DLG2: variants seen among roughly 807,000 people sequenced by gnomAD.
DLG2 encodes discs large MAGUK scaffold protein 2.
Under a neutral mutation model 132.5 loss-of-function variants are expected in DLG2, and 45 were observed. The ratio of observed to expected loss-of-function variants is 0.34; its 90% CI spans 0.27 to 0.44. The LOEUF is 0.44. DLG2 is among the 20% of genes least tolerant of loss of function. The pLI is 1.00. For synonymous variants in DLG2, 424 were observed against 419.6 expected (o/e 1.01, Z -0.13); for missense variants, 1,045 against 1,196.9 (o/e 0.87, Z 1.87).
chr11:85,272,015 G>A (rs1018836096), intron 4 of DLG2, among the ~76,000 whole-genome samples: 4 of 152,120 alleles, frequency 2.6e-5, no homozygotes, highest in African/African-American at 9.7e-5. Context: ...GAATGATATG[G>A]TTCGGCTATG....
intron 6 of DLG2, among the ~76,000 whole-genome samples, chr11:84,601,661 C>A (rs11234095): frequency 0.062 from 9,450 of 151,864 alleles, 444 homozygotes; most frequent in South Asian, 0.19. Flanking sequence ...AATAATTACA[C>A]GTGATGATGT....
intron 4 of DLG2, among the ~76,000 whole-genome samples, chr11:85,230,486 C>A (rs1053576832): frequency 6.6e-6 from 1 of 151,414 alleles, no homozygotes; most frequent in Non-Finnish European, 1.5e-5. Flanking sequence ...TTTCGAAAGA[C>A]GTGTTTATGG....
chr11:85,023,390 T>A (rs568315488), intron 6 of DLG2, among the ~76,000 whole-genome samples: 3 of 152,146 alleles, frequency 2.0e-5, no homozygotes, highest in African/African-American at 4.8e-5. Flanking sequence ...ATAACAGTTA[T>A]TACCAACTTA....
intron 7 of DLG2, among the ~76,000 whole-genome samples, chr11:84,290,809 A>C (rs1404175516): frequency 6.6e-6 from 1 of 152,166 alleles, no homozygotes; most frequent in African/African-American, 2.4e-5. Flanking sequence ...TTTTGGTAGT[A>C]CATTGTTTAA....
chr11:83,761,403 C>T (rs1390444222), intron 18 of DLG2, among the ~76,000 whole-genome samples: 1 of 152,112 alleles, frequency 6.6e-6, no homozygotes, highest in Admixed American at 6.6e-5. Context: ...GGTTCCTTGC[C>T]AGTCTGATAT....
intron 4 of DLG2, among the ~76,000 whole-genome samples, chr11:85,275,767 A>G (rs1012423964): frequency 6.6e-6 from 1 of 152,210 alleles, no homozygotes; most frequent in Non-Finnish European, 1.5e-5. Context: ...GGAAGTTAAT[A>G]TATGTAAGGA....
chr11:84,480,950 G>T, intron 7 of DLG2, among the ~76,000 whole-genome samples: 1 of 151,894 alleles, frequency 6.6e-6, no homozygotes, highest in African/African-American at 2.4e-5. Context: ...TGTTGGCCAG[G>T]CTGATCTGGA....
chr11:84,714,561 CTCTT>C (rs2060849691), intron 6 of DLG2, among the ~76,000 whole-genome samples: 2 of 98,660 alleles, frequency 2.0e-5, no homozygotes, highest in Non-Finnish European at 3.6e-5. Flanking sequence ...CTCTCTCTTT[CTCTT>C]TCTCTTTCTC....
Position 83,726,927 on chromosome 11 carries a change from T to C in DLG2, c.1825+59763A>G, listed in dbSNP as rs113858601. Among the ~76,000 whole-genome samples, 903 of 152,280 alleles carry C rather than the reference T, an allele frequency of 5.9e-3. 6 individuals are homozygous for C. Among genetic ancestry groups the C allele is most frequent in the African/African-American group, 0.019 (781 of 41,564 alleles). ...CCTGCCCACAAATGCCTGTTGCATCTAAGACAGGTGTCTTACCTCTTCCCA... is the reference window on the plus strand; with the variant it reads ...CCTGCCCACAAATGCCTGTTGCATCCAAGACAGGTGTCTTACCTCTTCCCA... On this transcript the variant is annotated intron_variant, in intron 18 of 27. Transcript: ENST00000376104.
intron 18 of DLG2, among the ~76,000 whole-genome samples, chr11:83,727,357 G>A (rs938893280): frequency 2.0e-5 from 3 of 152,124 alleles, no homozygotes; most frequent in Non-Finnish European, 4.4e-5. Context: ...GTTGTTCACA[G>A]CCATTATCAG....
intron 4 of DLG2, among the ~76,000 whole-genome samples, chr11:85,259,146 G>T (rs2076813463): frequency 6.6e-6 from 1 of 152,036 alleles, no homozygotes; most frequent in Non-Finnish European, 1.5e-5. Flanking sequence ...CCTAGTGAGA[G>T]GTCATTGGAT....
intron 18 of DLG2, among the ~76,000 whole-genome samples, chr11:83,684,752 C>T (rs1157181332): frequency 6.6e-6 from 1 of 152,040 alleles, no homozygotes; most frequent in Non-Finnish European, 1.5e-5. Flanking sequence ...ACATTTAGCC[C>T]CCAAATCCCC....
intron 15 of DLG2, among the ~76,000 whole-genome samples, chr11:83,912,680 A>T (rs1235289416): frequency 6.6e-6 from 1 of 152,174 alleles, no homozygotes; most frequent in Non-Finnish European, 1.5e-5. Flanking sequence ...CAATCTCAGG[A>T]AGGATTCCTC....
chr11:85,132,213 A>C (rs1351656408), intron 5 of DLG2, among the ~76,000 whole-genome samples: 1 of 152,218 alleles, frequency 6.6e-6, no homozygotes, highest in African/African-American at 2.4e-5. Context: ...AAATAGAATT[A>C]GCTAAATATT....
chr11:85,130,146 G>A (rs920490161), intron 5 of DLG2, among the ~76,000 whole-genome samples: 4 of 152,176 alleles, frequency 2.6e-5, no homozygotes, highest in South Asian at 4.2e-4. Context: ...CATGGCACAT[G>A]TATACCTGTG....
intron 21 of DLG2, among the ~76,000 whole-genome samples, chr11:83,520,639 GTAGATAGA>G (rs71066046): frequency 0.014 from 2,030 of 148,052 alleles, 43 homozygotes; most frequent in African/African-American, 0.044. Context: ...AGGTAGGTAG[GTAGATAGA>G]TAGATAGATA....
chr11:84,802,239 A>C (rs2075480734), intron 6 of DLG2, among the ~76,000 whole-genome samples: 2 of 152,332 alleles, frequency 1.3e-5, no homozygotes, highest in Middle Eastern at 3.4e-3. Context: ...GTCCTCAAAG[A>C]AAATAATAGG....
At chr11:83,983,161 C>T (rs928541927) in intron 11 of DLG2, among the ~76,000 whole-genome samples, 4 of 152,142 alleles carry the variant, frequency 2.6e-5, no homozygotes, top group Admixed American at 6.5e-5. Flanking sequence ...ACTCTTTAAA[C>T]GTATAAGAAT....
chr11:84,123,048 A>G (rs960257133), intron 9 of DLG2, among the ~76,000 whole-genome samples: 2 of 152,216 alleles, frequency 1.3e-5, no homozygotes, highest in African/African-American at 4.8e-5. Flanking sequence ...GAGAGACATG[A>G]CTATGGGTCA....
Sources: allele counts gnomAD v4.1 joint callset (sites outside exome capture counted in the v4.1 genomes callset), GRCh38; gene constraint gnomAD v4.1.1; transcripts MANE v1.5; gene names NCBI Gene and HGNC (gene_info 2026-07-23, HGNC 2026-07-21).